Variants in SMOC1 observed in about 807,000 individuals in gnomAD.
SMOC1 encodes SPARC-related modular calcium-binding protein 1.
In SMOC1, 22 loss-of-function variants were observed where a neutral mutation model predicts 56.3. That is an observed-to-expected ratio of 0.39 (90% CI 0.28 to 0.56). The LOEUF (loss-of-function observed/expected upper bound fraction) is 0.56. Among genes scored for constraint, SMOC1 ranks in the 20% least tolerant of loss-of-function variants. The pLI, the probability that SMOC1 is intolerant of heterozygous loss-of-function variation, is 0.61. For missense variants in SMOC1, 509 were observed against 565.4 expected (o/e 0.90, Z 1.01); for synonymous variants, 193 against 215.0 (o/e 0.90, Z 0.89).
intron 1 of SMOC1, among the ~76,000 whole-genome samples, chr14:69,929,645 G>A (rs1029897292): frequency 1.1e-4 from 16 of 152,180 alleles, no homozygotes; most frequent in Non-Finnish European, 1.9e-4. Context: ...AGGGAAGCCA[G>A]AGTATTGAAT....
intron 1 of SMOC1, among the ~76,000 whole-genome samples, chr14:69,895,582 G>C (rs750599573): frequency 2.0e-5 from 3 of 152,130 alleles, no homozygotes; most frequent in East Asian, 1.9e-4. Context: ...AAGTGACCAG[G>C]GTCCTCCTTC....
At chr14:69,973,077 G>A (rs1883833513) in intron 3 of SMOC1, among the ~76,000 whole-genome samples, 1 of 152,234 alleles carries the variant, frequency 6.6e-6, no homozygotes, top group African/African-American at 2.4e-5. Context: ...GGAGAGAGCA[G>A]CCTGCCAGGC....
At chr14:69,931,085 TCCTAC>T (rs1885153298) in intron 1 of SMOC1, among the ~76,000 whole-genome samples, 1 of 152,172 alleles carries the variant, frequency 6.6e-6, no homozygotes, top group Admixed American at 6.5e-5. Flanking sequence ...GGAGTGACTT[TCCTAC>T]CCAAGCTTCC....
chr14:69,977,645 G>A (rs1363143600), intron 4 of SMOC1, among the ~76,000 whole-genome samples: 2 of 152,180 alleles, frequency 1.3e-5, no homozygotes, highest in African/African-American at 4.8e-5. Flanking sequence ...TATGAGTGTG[G>A]AATTTTGTAA....
At chr14:69,913,554 C>A (rs1055462835) in intron 1 of SMOC1, among the ~76,000 whole-genome samples, 8 of 152,042 alleles carry the variant, frequency 5.3e-5, no homozygotes, top group African/African-American at 1.9e-4. Context: ...TTCAGAGTAA[C>A]TAGTCATTGT....
chr14:69,880,568 C>T (rs1883609708), intron 1 of SMOC1, among the ~76,000 whole-genome samples: 1 of 152,096 alleles, frequency 6.6e-6, no homozygotes, highest in Non-Finnish European at 1.5e-5. Context: ...CTAGATTATC[C>T]CCGCAACACC....
intron 7 of SMOC1, among the ~76,000 whole-genome samples, chr14:70,002,335 G>C (rs17764854): frequency 6.6e-6 from 1 of 152,162 alleles, no homozygotes. Flanking sequence ...ACTTTAATTC[G>C]TGCAAATTCT....
At chr14:70,006,652 C>T (rs1885158528) in intron 7 of SMOC1, among the ~76,000 whole-genome samples, 1 of 152,196 alleles carries the variant, frequency 6.6e-6, no homozygotes, top group African/African-American at 2.4e-5. Context: ...TTAATTCTTT[C>T]TAATGTGTCT....
chr14:69,883,889 ATTTTTTTTTTTTTTTTTT>A (rs34300667), intron 1 of SMOC1, among the ~76,000 whole-genome samples: 1 of 66,622 alleles, frequency 1.5e-5, no homozygotes, highest in Non-Finnish European at 2.5e-5. Flanking sequence ...GATGTTGAGC[ATTTTTTTTTTTTTTTTTT>A]TTTTTTTTTT....
chr14:70,019,751 C>G (rs1286181606), intron 10 of SMOC1, among the ~76,000 whole-genome samples: 2 of 152,166 alleles, frequency 1.3e-5, no homozygotes, highest in African/African-American at 4.8e-5. Flanking sequence ...CCTCCCTGCT[C>G]CATGCCTATC....
intron 5 of SMOC1, among the ~76,000 whole-genome samples, chr14:69,978,884 T>G (rs1884074331): frequency 6.6e-6 from 1 of 152,144 alleles, no homozygotes; most frequent in African/African-American, 2.4e-5. Context: ...TGGAATATGC[T>G]GACCATAGTT....
chr14:69,986,827 A>T (rs886888930), intron 5 of SMOC1, among the ~76,000 whole-genome samples: 1 of 152,214 alleles, frequency 6.6e-6, no homozygotes, highest in Non-Finnish European at 1.5e-5. Context: ...GGGAGGGAAC[A>T]TGCAGGTAGG....
intron 10 of SMOC1, among the ~76,000 whole-genome samples, chr14:70,014,569 A>G (rs1045506503): frequency 1.3e-5 from 2 of 152,170 alleles, no homozygotes; most frequent in Admixed American, 6.5e-5. Context: ...GAGATGGAAG[A>G]GGTGGGCAGG....
chr14:69,943,737 A>C (rs1302302660), intron 1 of SMOC1, among the ~76,000 whole-genome samples: 1 of 152,206 alleles, frequency 6.6e-6, no homozygotes, highest in Non-Finnish European at 1.5e-5. Flanking sequence ...TGAGTTCTAA[A>C]AACTTGAGCT....
chr14:69,914,799 T>C (rs779316130), intron 1 of SMOC1, among the ~76,000 whole-genome samples: 20 of 152,234 alleles, frequency 1.3e-4, no homozygotes, highest in Non-Finnish European at 2.9e-4. Context: ...GTTCTCTTCC[T>C]CTAGTCCATT....
At chr14:69,963,545 G>A (rs1212984407) in intron 3 of SMOC1, among the ~76,000 whole-genome samples, 2 of 152,220 alleles carry the variant, frequency 1.3e-5, no homozygotes, top group Admixed American at 1.3e-4. Context: ...GGAGTAGAGC[G>A]GTGTGCTTGT....
At chr14:69,929,087 A>G (rs1198773308) in intron 1 of SMOC1, among the ~76,000 whole-genome samples, 1 of 152,148 alleles carries the variant, frequency 6.6e-6, no homozygotes, top group Non-Finnish European at 1.5e-5. Context: ...CTGCATAGGA[A>G]GAGACCTTCT....
intron 3 of SMOC1, among the ~76,000 whole-genome samples, chr14:69,958,552 G>T (rs1046886784): frequency 2.6e-5 from 4 of 152,178 alleles, no homozygotes; most frequent in Non-Finnish European, 4.4e-5. Flanking sequence ...GATATTCAGG[G>T]TCAGATAAAG....
chr14:70,023,321 C>T lies in SMOC1; in HGVS notation c.1165C>T (p.Arg389Cys), dbSNP rs756866673. The change falls in exon 11 of 12, where the codon CGC (arginine) becomes TGC (cysteine). Residue 389 changes from arginine (R) to cysteine (C), a missense_variant. By Grantham distance (180) the Arg-to-Cys change is radical. Coordinates refer to ENST00000361956, the MANE Select transcript of SMOC1 (RefSeq NM_001034852.3). Reference sequence around the variant, plus strand: ...CAAGCGGGAGATGAAGCCCTTCAAGCGCTACGTGAAGAAGAAAGCCAAGCC... The same window carrying T: ...CAAGCGGGAGATGAAGCCCTTCAAGTGCTACGTGAAGAAGAAAGCCAAGCC... ...INKREMKPFK[R>C]YVKKKAKPKK... 2.5e-5 allele frequency: 41 copies of T among 1,614,020 alleles called. No homozygotes were observed. Among genetic ancestry groups the T allele is most frequent in the African/African-American group, 6.7e-5 (5 of 74,894 alleles).
Sources: gnomAD v4.1 joint callset for allele counts (sites outside exome capture counted in the v4.1 genomes callset) on GRCh38, gnomAD v4.1.1 for gene constraint, MANE v1.5 for transcripts, NCBI Gene and HGNC (gene_info 2026-07-23, HGNC 2026-07-21) for gene names.